Variants in ANKRD13A observed in about 807,000 individuals in gnomAD.
ANKRD13A encodes ankyrin repeat domain-containing protein 13A.
Under a neutral mutation model 81.3 loss-of-function variants are expected in ANKRD13A, and 48 were observed. That is an observed-to-expected ratio of 0.59 (90% CI 0.47 to 0.75). The LOEUF is 0.75. Ranked by LOEUF, ANKRD13A falls within the 30% of genes least tolerant of loss-of-function variation. ANKRD13A has a pLI of 0.00. For missense variants in ANKRD13A, 612 were observed against 734.0 expected (o/e 0.83, Z 1.92); for synonymous variants, 230 against 270.1 (o/e 0.85, Z 1.45).
chr12:110,039,043 T>C lies in ANKRD13A; in HGVS notation c.*1489T>C, dbSNP rs529550077. On this transcript the variant is annotated 3_prime_UTR_variant, in exon 15 of 15. Coordinates refer to ENST00000261739, the MANE Select transcript of ANKRD13A (RefSeq NM_033121.2). Reference sequence around the variant, plus strand: ...TTCCCAGATACAAAGAATTGTGCTTTTAATTCCATTTCACAATCTGTTTTG... The same window carrying C: ...TTCCCAGATACAAAGAATTGTGCTTCTAATTCCATTTCACAATCTGTTTTG... The C allele has an allele frequency of 6.6e-6, 1 of 152,150 alleles. No individual in the cohort carries two copies. The highest frequency in any genetic ancestry group is 1.9e-4 in the East Asian group (1 of 5,192). The allele number at this position is 152,150 out of a possible 1,614,324, so 9.4% of individuals were successfully genotyped here. A position where few individuals can be genotyped will look rare whatever the true frequency, so the allele number is the denominator to read the frequency against.
In ANKRD13A at chr12:110,012,590, T is replaced by A. The variant is rs564453024; in HGVS notation, c.229+453T>A. Among the ~76,000 whole-genome samples the A allele has an allele frequency of 7.2e-5, 11 of 152,294 alleles. No homozygotes were observed. The East Asian group carries it at 2.1e-3, about 29-fold the overall frequency. On this transcript the variant is annotated intron_variant, in intron 2 of 14. Coordinates refer to ENST00000261739, the MANE Select transcript of ANKRD13A (RefSeq NM_033121.2). The stretch of plus-strand genomic sequence containing the variant: ...CTCTCAGTGCAAACTTCTTCCACCA[T>A]ACACGAATGTGGAGGCCAGTTTTCC...
At chr12:110,024,533 C>T (rs1891227280) in intron 7 of ANKRD13A, among the ~76,000 whole-genome samples, 1 of 152,186 alleles carries the variant, frequency 6.6e-6, no homozygotes, top group African/African-American at 2.4e-5. Context: ...AGCCCATTTG[C>T]ATGACATCAG....
intron 8 of ANKRD13A, 140 bp downstream of exon 8, chr12:110,025,963 TC>T (rs1891298096): frequency 1.9e-5 from 11 of 581,408 alleles, no homozygotes; most frequent in South Asian, 2.5e-5. Flanking sequence ...TCTCTCTCTC[TC>T]TTTTTTTTTT....
chr12:109,999,521 C>A lies in ANKRD13A; in HGVS notation c.-168C>A, dbSNP rs1231603462. 2.7e-6 allele frequency: 1 copy of A among 370,928 alleles called. No homozygotes were observed. The highest frequency in any genetic ancestry group is 2.1e-5 in the African/African-American group (1 of 46,650). The allele number at this position is 370,928 out of a possible 1,614,324, so 23.0% of individuals were successfully genotyped here. The stretch of plus-strand genomic sequence containing the variant: ...CCTGGTCCCTGAGCCGGCCGGCGAC[C>A]CCGGACCTCCCGCGCGCCCCGCACC... On this transcript the variant is annotated 5_prime_UTR_variant, in exon 1 of 15. Coordinates refer to ENST00000261739, the MANE Select transcript of ANKRD13A (RefSeq NM_033121.2). This position sits in a 1 kb window ranked among gnomAD's most constrained non-coding sequence, Gnocchi z 4.3.
Position 110,038,716 on chromosome 12 carries a change from A to AT in ANKRD13A, c.*1166dup, listed in dbSNP as rs1404967374. ...CATCAGTAGCAATACAAGGTTATACATTTTAACCAGATTTTCTCAGGCCTT... is the reference window on the plus strand; with the variant it reads ...CATCAGTAGCAATACAAGGTTATACATTTTTAACCAGATTTTCTCAGGCCTT... On this transcript the variant is annotated 3_prime_UTR_variant, in exon 15 of 15. Transcript: ENST00000261739. 1.3e-5 allele frequency: 2 copies of AT among 152,762 alleles called. No individual in the cohort carries two copies. The highest frequency in any genetic ancestry group is 3.9e-4 in the East Asian group (2 of 5,188). 9.5% of individuals were successfully genotyped at this position (152,762 alleles called of 1,614,324 possible).
rs761187272 is a variant in ANKRD13A, at chr12:110,023,964, G to A, written c.735-82G>A. The A allele has an allele frequency of 7.8e-6, 11 of 1,404,362 alleles. No homozygotes were observed. The Admixed American group carries it at 1.2e-4, about 15-fold the overall frequency. The allele number at this position is 1,404,362 out of a possible 1,614,324, so 87.0% of individuals were successfully genotyped here. A position where few individuals can be genotyped will look rare whatever the true frequency, so the allele number is the denominator to read the frequency against. ...TCCTTCACTAACTTAAGCTGGGGGG[G>A]AAAAAAACTATAAAGGCTACAGATA... On this transcript the variant is annotated intron_variant, in intron 6 of 14. Transcript: ENST00000261739.
Position 110,036,453 on chromosome 12 carries a change from A to C in ANKRD13A, c.1577+125A>C. 1 of 1,069,780 alleles carries C rather than the reference A, an allele frequency of 9.3e-7. No homozygotes were observed. The highest frequency in any genetic ancestry group is 2.4e-5 in the East Asian group (1 of 41,462). 66.3% of individuals were successfully genotyped at this position (1,069,780 alleles called of 1,614,324 possible). A position where few individuals can be genotyped will look rare whatever the true frequency, so the allele number is the denominator to read the frequency against. On this transcript the variant is annotated intron_variant, in intron 14 of 14. Coordinates refer to ENST00000261739, the MANE Select transcript of ANKRD13A (RefSeq NM_033121.2). This position sits in a 1 kb window ranked among gnomAD's most constrained non-coding sequence, Gnocchi z 4.6. ...GTACGGTGCCACAAACTGGCAGGAA[A>C]GACTAGAAAAAGTAGGCCAGGAGCG...
rs1328426958 is a variant in ANKRD13A, at chr12:110,038,141, C to G, written c.*587C>G. ...CACCCAGCTAAAGTTAGAGGAGATA[C>G]ATATAGAATCTATTTTAGATTATTG... is the stretch of plus-strand genomic sequence containing the variant. On this transcript the variant is annotated 3_prime_UTR_variant, in exon 15 of 15. Coordinates refer to ENST00000261739, the MANE Select transcript of ANKRD13A (RefSeq NM_033121.2). The G allele has an allele frequency of 6.6e-6, 1 of 152,628 alleles. No homozygotes were observed. The highest frequency in any genetic ancestry group is 2.1e-4 in the South Asian group (1 of 4,832). The allele number at this position is 152,628 out of a possible 1,614,324, so 9.5% of individuals were successfully genotyped here.
At chr12:110,030,452 C>T (rs1342790435) in intron 11 of ANKRD13A, among the ~76,000 whole-genome samples, 193 bp from the exon 12 acceptor site, 1 of 152,148 alleles carries the variant, frequency 6.6e-6, no homozygotes, top group Non-Finnish European at 1.5e-5. Context: ...CAGGTGTAAG[C>T]CACCGCGCCT....
chr12:110,038,982 C>A lies in ANKRD13A; in HGVS notation c.*1428C>A, dbSNP rs75803899. 1.1e-4 allele frequency: 17 copies of A among 152,138 alleles called. No homozygotes were observed. The East Asian group carries it at 3.1e-3, about 28-fold the overall frequency. 9.4% of individuals were successfully genotyped at this position (152,138 alleles called of 1,614,324 possible). On this transcript the variant is annotated 3_prime_UTR_variant, in exon 15 of 15. Transcript: ENST00000261739. ...GAAACATAACTACTGTTCCAGGTAACGTCTGTATCATACAGTTAGTGTTGC... is the reference window on the plus strand; with the variant it reads ...GAAACATAACTACTGTTCCAGGTAAAGTCTGTATCATACAGTTAGTGTTGC...
rs919129030 is a variant in ANKRD13A at position 110,038,828 on chromosome 12, AGCCAAGG to A, written c.*1277_*1283del. ...CAACATACAGAACCCTGGGGAATAC[AGCCAAGG>A]GCACTGCTCACTGTGGCCCGTGTAT... On this transcript the variant is annotated 3_prime_UTR_variant, in exon 15 of 15. Coordinates refer to ENST00000261739, the MANE Select transcript of ANKRD13A (RefSeq NM_033121.2). The A allele has an allele frequency of 6.6e-6, 1 of 152,196 alleles. No individual in the cohort carries two copies. The highest frequency in any genetic ancestry group is 1.5e-5 in the Non-Finnish European group (1 of 68,044). 9.4% of individuals were successfully genotyped at this position (152,196 alleles called of 1,614,324 possible).
chr12:110,019,107 G>C, intron 5 of ANKRD13A, 32 bp from the exon 6 acceptor site: 1 of 1,539,484 alleles, frequency 6.5e-7, no homozygotes, highest in Non-Finnish European at 8.8e-7. Flanking sequence ...TCCCTACTTT[G>C]CACTTAGTTA....
chr12:110,025,355 CAAAAAAA>C (rs1039859014), intron 7 of ANKRD13A, among the ~76,000 whole-genome samples: 2 of 65,456 alleles, frequency 3.1e-5, no homozygotes, highest in East Asian at 4.2e-4. Flanking sequence ...GACTCTGTCT[CAAAAAAA>C]AAAAAAAAAA....
chr12:110,028,309 T>A (rs986295088), intron 9 of ANKRD13A: 48 of 493,948 alleles, frequency 9.7e-5, no homozygotes, highest in Non-Finnish European at 4.3e-5. Flanking sequence ...AGAGAAATAT[T>A]TTAAAATGAA....
At chr12:110,019,845 A>T (rs755886602) in intron 6 of ANKRD13A, among the ~76,000 whole-genome samples, 35 of 152,164 alleles carry the variant, frequency 2.3e-4, no homozygotes, top group Non-Finnish European at 4.0e-4. Context: ...TCTGGAGGGG[A>T]TTCAGTTCTG....
chr12:110,009,500 T>C (rs1328169220), intron 1 of ANKRD13A, among the ~76,000 whole-genome samples: 2 of 152,282 alleles, frequency 1.3e-5, no homozygotes, highest in African/African-American at 4.8e-5. Context: ...AACTAAATGT[T>C]CGTCAATGTT....
In ANKRD13A at chr12:110,037,479, G is replaced by A. The variant is rs1460811203; in HGVS notation, c.1698G>A (p.Glu566=). Residue 566 remains glutamate (E), a synonymous_variant, in exon 15 of 15, where the codon GAG becomes GAA. Coordinates refer to ENST00000261739, the MANE Select transcript of ANKRD13A (RefSeq NM_033121.2). ...LAMELSAKEL[E]EWELRLQEEE... ...TGGAGCTCTCTGCCAAAGAGCTGGA[G>A]GAATGGGAGCTCCGGCTCCAGGAGG... is the stretch of plus-strand genomic sequence containing the variant. 4 of 1,614,228 alleles carry A rather than the reference G, an allele frequency of 2.5e-6. No homozygotes were observed. Among genetic ancestry groups the A allele is most frequent in the Non-Finnish European group, 2.5e-6 (3 of 1,180,032 alleles).
intron 1 of ANKRD13A, among the ~76,000 whole-genome samples, chr12:110,001,470 C>T (rs1889973592): frequency 6.7e-6 from 1 of 148,524 alleles, no homozygotes; most frequent in African/African-American, 2.5e-5. Flanking sequence ...GATGGAGTCT[C>T]GCTCTGTCAT....
intron 1 of ANKRD13A, among the ~76,000 whole-genome samples, chr12:110,009,077 C>CTTTTTTTTTTTTTTTTTTTTTT (rs1359247592): frequency 6.6e-6 from 1 of 152,062 alleles, no homozygotes; most frequent in Non-Finnish European, 1.5e-5. Context: ...TCATAGTCTT[C>CTTTTTTTTTTTTTTTTTTTTTT]TTTTATTTTA....
Sources: allele counts gnomAD v4.1 joint callset (sites outside exome capture counted in the v4.1 genomes callset), GRCh38; gene constraint gnomAD v4.1.1; non-coding constraint Gnocchi (gnomAD v3.1); transcripts MANE v1.5; gene names NCBI Gene and HGNC (gene_info 2026-07-23, HGNC 2026-07-21).